Variants in BRINP3 observed in about 807,000 individuals in gnomAD.
BRINP3 encodes BMP/retinoic acid-inducible neural-specific protein 3.
BRINP3 carries 19 observed loss-of-function variants against 71.0 expected under a neutral mutation model. That is an observed-to-expected ratio of 0.27 (90% CI 0.19 to 0.39). BRINP3 has a LOEUF of 0.39. Among genes scored for constraint, BRINP3 ranks in the 10% least tolerant of loss-of-function variants. The pLI, the probability that BRINP3 is intolerant of heterozygous loss-of-function variation, is 1.00. For missense variants in BRINP3, 959 were observed against 940.8 expected, an observed-to-expected ratio of 1.02 and a Z score of -0.25; for synonymous variants, 380 against 337.7, an observed-to-expected ratio of 1.13 and a Z score of -1.37.
chr1:190,369,069 T>C (rs1383265129), intron 2 of BRINP3, among the ~76,000 whole-genome samples: 7 of 152,152 alleles, frequency 4.6e-5, no homozygotes, highest in Non-Finnish European at 8.8e-5. Context: ...GGAACTACAA[T>C]TCAAAATGAG....
At chr1:190,121,752 G>T (rs547102043) in intron 7 of BRINP3, among the ~76,000 whole-genome samples, 2 of 152,124 alleles carry the variant, frequency 1.3e-5, no homozygotes, top group East Asian at 3.9e-4. Flanking sequence ...GAATAGAAAA[G>T]AAAGCAGAGC....
chr1:190,150,373 T>C (rs1656284595), intron 7 of BRINP3, among the ~76,000 whole-genome samples: 1 of 152,150 alleles, frequency 6.6e-6, no homozygotes, highest in African/African-American at 2.4e-5. Flanking sequence ...TATTTTGTCC[T>C]CTGCATGAGG....
chr1:190,451,377 T>C (rs187218783), intron 2 of BRINP3, among the ~76,000 whole-genome samples: 18 of 152,270 alleles, frequency 1.2e-4, no homozygotes, highest in African/African-American at 4.1e-4. Flanking sequence ...ATTAAAAGAA[T>C]AAAGATTTCC....
chr1:190,277,115 A>ATATATATATATATATATATATATATT (rs1212564236), intron 3 of BRINP3, among the ~76,000 whole-genome samples: 5 of 129,290 alleles, frequency 3.9e-5, no homozygotes, highest in African/African-American at 1.4e-4. Context: ...ATATATATAT[A>ATATATATATATATATATATATATATT]TATTTATATT....
chr1:190,225,963 G>T, intron 6 of BRINP3, 119 bp downstream of exon 6: 1 of 695,598 alleles, frequency 1.4e-6, no homozygotes, highest in Non-Finnish European at 2.3e-6. Context: ...CCATTTGAAA[G>T]AATAAAAAAA....
At chr1:190,366,123 T>G (rs1669483014) in intron 2 of BRINP3, among the ~76,000 whole-genome samples, 1 of 152,036 alleles carries the variant, frequency 6.6e-6, no homozygotes, top group Admixed American at 6.6e-5. Flanking sequence ...TGTTGTTACT[T>G]TGTCTCAGTG....
At chr1:190,133,986 T>G (rs953617261) in intron 7 of BRINP3, among the ~76,000 whole-genome samples, 2 of 152,072 alleles carry the variant, frequency 1.3e-5, no homozygotes, top group African/African-American at 4.8e-5. Context: ...CCAAAACCAC[T>G]TACTACATTT....
intron 6 of BRINP3, among the ~76,000 whole-genome samples, chr1:190,196,551 A>G (rs538027869): frequency 6.6e-6 from 1 of 152,276 alleles, no homozygotes; most frequent in African/African-American, 2.4e-5. Context: ...CTAGGCGTTA[A>G]TAATGAGACA....
At chr1:190,145,987 A>G (rs1241620043) in intron 7 of BRINP3, among the ~76,000 whole-genome samples, 1 of 152,154 alleles carries the variant, frequency 6.6e-6, no homozygotes, top group Non-Finnish European at 1.5e-5. Flanking sequence ...CTCATTTATA[A>G]GTGGGAGTTA....
Position 190,287,082 on chromosome 1 carries a change from C to A in BRINP3, c.237-5332G>T, listed in dbSNP as rs1407683464. On this transcript the variant is annotated intron_variant, in intron 2 of 7. Transcript: ENST00000367462. The stretch of plus-strand genomic sequence containing the variant: ...AAAAAAAAAAAGAAAAAAAAAATAG[C>A]CGACTGTGGTGGTGTGTGCCTGTAA... Among the ~76,000 whole-genome samples the A allele has an allele frequency of 2.0e-5, 3 of 150,766 alleles. No individual in the cohort carries two copies. The East Asian group carries it at 5.9e-4, about 29-fold the overall frequency.
intron 6 of BRINP3, among the ~76,000 whole-genome samples, chr1:190,177,054 C>T (rs1460402014): frequency 6.7e-6 from 1 of 149,990 alleles, no homozygotes; most frequent in African/African-American, 2.4e-5. Flanking sequence ...CACAGGATAA[C>T]ATGAGCTGAC....
chr1:190,470,943 G>T (rs1003631228), intron 1 of BRINP3, among the ~76,000 whole-genome samples: 2 of 151,134 alleles, frequency 1.3e-5, no homozygotes, highest in South Asian at 4.1e-4. Context: ...ATTGGGAAAT[G>T]CTCCAGAACT....
At chr1:190,461,767 A>T (rs180824376) in intron 1 of BRINP3, among the ~76,000 whole-genome samples, 41 of 152,268 alleles carry the variant, frequency 2.7e-4, no homozygotes, top group Non-Finnish European at 5.4e-4. Flanking sequence ...TCTGTATCCG[A>T]ATCTGCATCT....
chr1:190,188,613 T>C (rs1045745754), intron 6 of BRINP3, among the ~76,000 whole-genome samples: 5 of 109,208 alleles, frequency 4.6e-5, no homozygotes, highest in Non-Finnish European at 8.3e-5. Flanking sequence ...GAAAACATCA[T>C]TTTTTTTTCT....
chr1:190,456,996 T>A (rs1020874276), intron 1 of BRINP3, among the ~76,000 whole-genome samples: 7 of 152,188 alleles, frequency 4.6e-5, no homozygotes, highest in African/African-American at 1.7e-4. Context: ...TATTTCATCC[T>A]AATAAATAAC....
At chr1:190,267,725 T>C (rs559869726) in intron 3 of BRINP3, among the ~76,000 whole-genome samples, 8 of 152,038 alleles carry the variant, frequency 5.3e-5, no homozygotes, top group Admixed American at 3.9e-4. Context: ...AGAATAAATA[T>C]ATAATAAAAC....
intron 6 of BRINP3, among the ~76,000 whole-genome samples, chr1:190,174,932 T>A (rs1360445612): frequency 6.6e-6 from 1 of 152,114 alleles, no homozygotes; most frequent in African/African-American, 2.4e-5. Flanking sequence ...ATCATATTTA[T>A]CCTATCTGCT....
At chr1:190,235,754 G>T (rs1282943844) in intron 4 of BRINP3, among the ~76,000 whole-genome samples, 2 of 151,614 alleles carry the variant, frequency 1.3e-5, no homozygotes, top group African/African-American at 4.8e-5. Flanking sequence ...CATTCTCTTG[G>T]GACTACTTGG....
At chr1:190,462,985 A>G (rs1676494764) in intron 1 of BRINP3, among the ~76,000 whole-genome samples, 1 of 152,010 alleles carries the variant, frequency 6.6e-6, no homozygotes, top group South Asian at 2.1e-4. Flanking sequence ...GATAGTTTAA[A>G]TCTACTAAAT....
Sources: allele counts gnomAD v4.1 joint callset (sites outside exome capture counted in the v4.1 genomes callset), GRCh38; gene constraint gnomAD v4.1.1; transcripts MANE v1.5; gene names NCBI Gene and HGNC (gene_info 2026-07-23, HGNC 2026-07-21).